Variants in PSTPIP2 observed in about 807,000 individuals in gnomAD.
PSTPIP2 encodes proline-serine-threonine phosphatase-interacting protein 2.
A neutral mutation model predicts 63.3 loss-of-function variants in PSTPIP2; 33 were observed. That is an observed-to-expected ratio of 0.52 (90% CI 0.40 to 0.70). The LOEUF is 0.70. PSTPIP2 is among the 30% of genes least tolerant of loss of function. The pLI is 0.00. For missense variants in PSTPIP2, 312 were observed against 400.7 expected (o/e 0.78, Z 1.89); for synonymous variants, 125 against 132.7 (o/e 0.94, Z 0.40).
chr18:46,011,616 A>G (rs1188477305), intron 4 of PSTPIP2, among the ~76,000 whole-genome samples: 4 of 152,122 alleles, frequency 2.6e-5, no homozygotes, highest in African/African-American at 9.7e-5. Context: ...CACAATTTCA[A>G]ATTTGACTCT....
At chr18:46,006,363 T>C (rs1416312720) in intron 5 of PSTPIP2, among the ~76,000 whole-genome samples, 2 of 34,874 alleles carry the variant, frequency 5.7e-5, no homozygotes, top group African/African-American at 1.5e-4. Flanking sequence ...CCTGGTACTT[T>C]TTTTTTTTTT....
At chr18:46,065,555 C>A (rs929820941) in intron 1 of PSTPIP2, among the ~76,000 whole-genome samples, 1 of 152,186 alleles carries the variant, frequency 6.6e-6, no homozygotes, top group Non-Finnish European at 1.5e-5. Flanking sequence ...CAACCTCCGC[C>A]TCCCGGGTTC....
intron 1 of PSTPIP2, among the ~76,000 whole-genome samples, chr18:46,050,762 G>C (rs1376727434): frequency 6.6e-6 from 1 of 152,012 alleles, no homozygotes; most frequent in African/African-American, 2.4e-5. Flanking sequence ...CATTATAAAT[G>C]AGTTCATACT....
chr18:45,993,979 T>A (rs1387011964), intron 9 of PSTPIP2: 2 of 396,204 alleles, frequency 5.0e-6, no homozygotes, highest in Non-Finnish European at 9.6e-6. Context: ...ACTGAGTTCC[T>A]ACCGACATTT....
chr18:46,028,805 A>ATAAGC, intron 2 of PSTPIP2: 1 of 1,436,094 alleles, frequency 7.0e-7, no homozygotes, highest in Non-Finnish European at 9.8e-7. Context: ...GCAGAGACTA[A>ATAAGC]TAAGCTGAAA....
At chr18:46,034,791 G>T (rs1568224356) in intron 2 of PSTPIP2, among the ~76,000 whole-genome samples, 1 of 152,072 alleles carries the variant, frequency 6.6e-6, no homozygotes, top group Non-Finnish European at 1.5e-5. Context: ...TATAACATAA[G>T]GATGAGAAAA....
chr18:46,001,370 T>C (rs2051664532), intron 6 of PSTPIP2, among the ~76,000 whole-genome samples: 1 of 152,236 alleles, frequency 6.6e-6, no homozygotes, highest in African/African-American at 2.4e-5. Flanking sequence ...AAAAAATATA[T>C]TTGTTTGCCA....
intron 2 of PSTPIP2, among the ~76,000 whole-genome samples, chr18:46,026,742 A>G (rs1289318614): frequency 2.6e-5 from 4 of 152,076 alleles, no homozygotes; most frequent in South Asian, 4.1e-4. Context: ...AATGAAATAA[A>G]CGGGTGTGGT....
Position 45,992,091 on chromosome 18 carries a change from C to T in PSTPIP2, c.838+15G>A. 1 of 1,602,558 alleles carries T rather than the reference C, an allele frequency of 6.2e-7. No individual in the cohort carries two copies. The highest frequency in any genetic ancestry group is 8.5e-7 in the Non-Finnish European group (1 of 1,172,466). On this transcript the variant is annotated intron_variant, in intron 11 of 14. Transcript: ENST00000409746. ...ATTGTGTAAATAACACTCCCCACCC[C>T]ACTGCCCCATTCACCTGGTGGAATC...
intron 5 of PSTPIP2, among the ~76,000 whole-genome samples, chr18:46,009,438 A>G (rs1050333618): frequency 6.6e-6 from 1 of 151,536 alleles, no homozygotes; most frequent in African/African-American, 2.4e-5. Context: ...ATTTTGACAC[A>G]AGTAATTACA....
At chr18:46,056,956 T>C (rs954088814) in intron 1 of PSTPIP2, among the ~76,000 whole-genome samples, 2 of 151,864 alleles carry the variant, frequency 1.3e-5, no homozygotes, top group Non-Finnish European at 2.9e-5. Context: ...ACAAAAAAAT[T>C]AGCTGGGTGC....
intron 1 of PSTPIP2, among the ~76,000 whole-genome samples, chr18:46,057,269 G>A (rs1429692450): frequency 6.6e-6 from 1 of 152,044 alleles, no homozygotes; most frequent in Non-Finnish European, 1.5e-5. Context: ...TCACATGAAG[G>A]TGCACATGAC....
intron 1 of PSTPIP2, among the ~76,000 whole-genome samples, chr18:46,056,837 C>T (rs1335587101): frequency 6.6e-6 from 1 of 152,106 alleles, no homozygotes; most frequent in African/African-American, 2.4e-5. Context: ...TGCGGTGGCT[C>T]ACACCTGTAA....
At chr18:46,033,467 G>A (rs1907854128) in intron 2 of PSTPIP2, among the ~76,000 whole-genome samples, 1 of 152,146 alleles carries the variant, frequency 6.6e-6, no homozygotes, top group Non-Finnish European at 1.5e-5. Context: ...GGAGGCCAAG[G>A]CAGGTGGATC....
chr18:46,014,458 A>G (rs2051833066), intron 4 of PSTPIP2, among the ~76,000 whole-genome samples: 1 of 152,236 alleles, frequency 6.6e-6, no homozygotes, highest in South Asian at 2.1e-4. Flanking sequence ...TCACACCTGT[A>G]ATCTCAGCAC....
At chr18:46,006,387 T>G (rs1472306674) in intron 5 of PSTPIP2, among the ~76,000 whole-genome samples, 1 of 117,622 alleles carries the variant, frequency 8.5e-6, no homozygotes, top group Non-Finnish European at 1.8e-5. Flanking sequence ...TTTTTTTTTT[T>G]CTGAGACAGA....
chr18:45,993,133 C>T (rs1227341524), intron 10 of PSTPIP2, among the ~76,000 whole-genome samples: 1 of 152,144 alleles, frequency 6.6e-6, no homozygotes, highest in Non-Finnish European at 1.5e-5. Flanking sequence ...CTCACTGTGT[C>T]GCCGAGGCTG....
intron 2 of PSTPIP2, among the ~76,000 whole-genome samples, chr18:46,036,055 T>C (rs1299158396): frequency 6.6e-6 from 1 of 151,412 alleles, no homozygotes; most frequent in Non-Finnish European, 1.5e-5. Context: ...TTTGTTACTG[T>C]GTTTTGTTAC....
rs765506804 is a variant in PSTPIP2, at chr18:45,993,701, T to A, written c.645A>T (p.Ala215=). ...TTCGTTCACATTCTTGAGCCTCAAA[T>A]GCCTACAGAAAAATAGCTACGTGTA... ...WQSEHIKACE[A]FEAQECERIN... The change falls in exon 10 of 15, where the codon GCA becomes GCT. Residue 215 remains alanine, a splice_region_variant and synonymous_variant. Coordinates refer to ENST00000409746, the MANE Select transcript of PSTPIP2 (RefSeq NM_024430.4). 1.2e-6 allele frequency: 2 copies of A among 1,613,742 alleles called. No individual in the cohort carries two copies. The highest frequency in any genetic ancestry group is 3.3e-5 in the Admixed American group (2 of 60,018).
Sources: gnomAD v4.1 joint callset for allele counts (sites outside exome capture counted in the v4.1 genomes callset) on GRCh38, gnomAD v4.1.1 for gene constraint, MANE v1.5 for transcripts, NCBI Gene and HGNC (gene_info 2026-07-23, HGNC 2026-07-21) for gene names.